Variants in GANC observed in about 807,000 individuals in gnomAD.
GANC encodes neutral alpha-glucosidase C.
Under a neutral mutation model 124.2 loss-of-function variants are expected in GANC, and 117 were observed. That is an observed-to-expected ratio of 0.94 (90% CI 0.81 to 1.10). The LOEUF is 1.10. Among genes scored for constraint, GANC ranks in the 50% least tolerant of loss-of-function variants. GANC has a pLI of 0.00. For synonymous variants in GANC, 377 were observed against 376.8 expected (o/e 1.00, Z -0.01); for missense variants, 1,140 against 1,095.0 (o/e 1.04, Z -0.58).
intron 6 of GANC, among the ~76,000 whole-genome samples, chr15:42,302,158 C>T (rs937432558): frequency 1.2e-4 from 18 of 152,214 alleles, no homozygotes; most frequent in African/African-American, 4.3e-4. Flanking sequence ...GAGGAAGGAA[C>T]AGGCAGCAAT....
chr15:42,327,604 T>G (rs931942941), intron 13 of GANC, 162 bp downstream of exon 13: 1 of 587,008 alleles, frequency 1.7e-6, no homozygotes, highest in African/African-American at 1.9e-5. Flanking sequence ...CTGGGGGTGC[T>G]GGGAGAGGTG....
chr15:42,312,036 A>G (rs2052054824), intron 10 of GANC, among the ~76,000 whole-genome samples: 2 of 152,182 alleles, frequency 1.3e-5, no homozygotes, highest in Non-Finnish European at 2.9e-5. Context: ...AGAATGCCTA[A>G]ATAAATGGAA....
chr15:42,321,680 C>T lies in GANC; in HGVS notation c.1058-105C>T, dbSNP rs142673408. On this transcript the variant is annotated intron_variant, in intron 10 of 23. Coordinates refer to ENST00000318010, the MANE Select transcript of GANC (RefSeq NM_198141.3). ...GCTTTCTTCTCCTTGTTATTCTAAG[C>T]ATAAGCTCAGTGCTGAATACTCTGT... 9.4e-4 allele frequency: 897 copies of T among 949,430 alleles called. 5 individuals carry two copies. The African/African-American group carries it at 0.013, about 14-fold the overall frequency. The allele number at this position is 949,430 out of a possible 1,614,324, so 58.8% of individuals were successfully genotyped here.
intron 15 of GANC, 93 bp downstream of exon 15, chr15:42,330,765 T>A: frequency 1.7e-6 from 1 of 596,374 alleles, no homozygotes; most frequent in Non-Finnish European, 2.7e-6. Context: ...GATGCCTTCC[T>A]TTTCCTTTTT....
chr15:42,310,559 G>A, intron 9 of GANC, 96 bp downstream of exon 9: 2 of 1,458,782 alleles, frequency 1.4e-6, no homozygotes, highest in Non-Finnish European at 9.2e-7. Flanking sequence ...GCACTTCTCT[G>A]CCAACAAAAG....
At chr15:42,325,941 A>G (rs144654863) in intron 11 of GANC, among the ~76,000 whole-genome samples, 58 of 152,222 alleles carry the variant, frequency 3.8e-4, no homozygotes, top group Non-Finnish European at 6.6e-4. Flanking sequence ...ATTTTTTTGT[A>G]GAGACAGTGT....
chr15:42,334,791 C>T (rs191462056), intron 15 of GANC, among the ~76,000 whole-genome samples: 2 of 151,562 alleles, frequency 1.3e-5, no homozygotes. Context: ...AGATAGACTG[C>T]TAGCTAGACT....
At chr15:42,298,007 C>T (rs143281873) in intron 6 of GANC, among the ~76,000 whole-genome samples, 32 of 152,220 alleles carry the variant, frequency 2.1e-4, no homozygotes, top group Non-Finnish European at 1.0e-4. Context: ...TAAGTAATTA[C>T]AAGCATGAGG....
At chr15:42,327,690 C>T (rs1442272622) in intron 13 of GANC, among the ~76,000 whole-genome samples, 2 of 152,038 alleles carry the variant, frequency 1.3e-5, no homozygotes, top group Admixed American at 1.3e-4. Context: ...TATCAAAGTA[C>T]TTTATAGCAG....
At chr15:42,313,955 A>AAACAACCACAAC (rs2052079467) in intron 10 of GANC, 1 of 561,992 alleles carries the variant, frequency 1.8e-6, no homozygotes. Context: ...CTATCTCTAA[A>AAACAACCACAAC]AACAACAGCA....
chr15:42,298,454 A>G (rs760356904), intron 6 of GANC, among the ~76,000 whole-genome samples: 8 of 152,154 alleles, frequency 5.3e-5, no homozygotes, highest in Non-Finnish European at 1.2e-4. Context: ...TAAGTCCCCC[A>G]TTTATCATGC....
In GANC at chr15:42,352,084, G is replaced by T. The variant is rs763450174; in HGVS notation, c.2690G>T (p.Ser897Ile). Residue 897 changes from serine (S) to isoleucine (I), a missense_variant, in exon 24 of 24, where the codon AGC becomes ATC. Ser to Ile is a moderately radical substitution (Grantham distance 142, BLOSUM62 -2). Transcript: ENST00000318010. ...FTYCAKTSIL[S>I]LEKLSLNIAT... ...TATTGTGCCAAAACATCCATCCTGA[G>T]CCTGGAGAAGCTCTCACTCAACATT... is the stretch of plus-strand genomic sequence containing the variant. The T allele has an allele frequency of 1.3e-4, 217 of 1,614,030 alleles. 4 individuals carry two copies. In the South Asian group the frequency reaches 2.3e-3, roughly 17 times the overall value.
intron 3 of GANC, chr15:42,283,796 GT>G: frequency 1.4e-6 from 1 of 702,584 alleles, no homozygotes; most frequent in Non-Finnish European, 2.6e-6. Context: ...AGCCAGTACT[GT>G]GTCTGCAGAA....
chr15:42,294,877 A>G (rs2051875664), intron 5 of GANC, among the ~76,000 whole-genome samples: 1 of 151,380 alleles, frequency 6.6e-6, no homozygotes, highest in South Asian at 2.1e-4. Flanking sequence ...TTTACTAATA[A>G]CCTTGAATAT....
chr15:42,340,599 T>C (rs1254803113), intron 17 of GANC, 91 bp from the exon 18 acceptor site: 2 of 863,966 alleles, frequency 2.3e-6, no homozygotes, highest in Non-Finnish European at 3.5e-6. Context: ...GTGAGATCCA[T>C]CTAAAAAAAA....
chr15:42,283,572 T>C (rs973272105), intron 3 of GANC: 2 of 692,084 alleles, frequency 2.9e-6, no homozygotes, highest in Non-Finnish European at 5.3e-6. Context: ...TCTCATGATA[T>C]AGGTGACCAT....
At chr15:42,320,194 A>T (rs1566957064) in intron 10 of GANC, among the ~76,000 whole-genome samples, 3 of 43,206 alleles carry the variant, frequency 6.9e-5, no homozygotes, top group Admixed American at 8.8e-4. Flanking sequence ...AAAATAAATT[A>T]ATTAATTAAT....
At chr15:42,284,701 G>C (rs2051769617) in intron 3 of GANC, among the ~76,000 whole-genome samples, 1 of 152,116 alleles carries the variant, frequency 6.6e-6, no homozygotes, top group Admixed American at 6.5e-5. Flanking sequence ...TTACTCACAG[G>C]TGCAGTCATG....
chr15:42,276,289 A>G lies in GANC; in HGVS notation c.30-59A>G, dbSNP rs1595760024. 3.7e-6 allele frequency: 3 copies of G among 816,962 alleles called. No individual in the cohort carries two copies. The African/African-American group carries it at 5.0e-5, about 14-fold the overall frequency. 50.6% of individuals were successfully genotyped at this position (816,962 alleles called of 1,614,324 possible). A position where few individuals can be genotyped will look rare whatever the true frequency, so the allele number is the denominator to read the frequency against. On this transcript the variant is annotated intron_variant, in intron 1 of 23. Coordinates refer to ENST00000318010, the MANE Select transcript of GANC (RefSeq NM_198141.3). Reference sequence around the variant, plus strand: ...TTCATACTGTCGTTAGAGAAGGTACAAAAGTTGGATTCACAAGCCCTGTGT... The same window carrying G: ...TTCATACTGTCGTTAGAGAAGGTACGAAAGTTGGATTCACAAGCCCTGTGT...
Sources: gnomAD v4.1 joint callset for allele counts (sites outside exome capture counted in the v4.1 genomes callset) on GRCh38, gnomAD v4.1.1 for gene constraint, MANE v1.5 for transcripts, NCBI Gene and HGNC (gene_info 2026-07-23, HGNC 2026-07-21) for gene names.